Variants in VPS16 observed in about 807,000 individuals in gnomAD.
VPS16 encodes the protein VPS16 core subunit of CORVET and HOPS complexes.
VPS16 carries 82 observed loss-of-function variants against 116.0 expected under a neutral mutation model. The observed-to-expected ratio is 0.71, with a 90% CI of 0.59 to 0.85. The LOEUF (loss-of-function observed/expected upper bound fraction) is 0.85. VPS16 is among the 40% of genes least tolerant of loss of function. VPS16 has a pLI of 0.00. For synonymous variants in VPS16, 406 were observed against 420.7 expected, an observed-to-expected ratio of 0.96 and a Z score of 0.43; for missense variants, 928 against 1,090.6, an observed-to-expected ratio of 0.85 and a Z score of 2.10.
In VPS16 at chr20:2,865,225, G is replaced by C; in HGVS notation, c.2082G>C (p.Leu694=). The C allele has an allele frequency of 6.2e-7, 1 of 1,614,162 alleles. No individual in the cohort carries two copies. The highest frequency in any genetic ancestry group is 8.5e-7 in the Non-Finnish European group (1 of 1,180,028). ...AGCTGGGGGGCCAGTTCCTAGACCT[G>C]TCTCTACATGACACAGTTACCACCC... is the stretch of plus-strand genomic sequence containing the variant. ...EDELGGQFLD[L]SLHDTVTTLI... The change falls in exon 21 of 24, where the codon CTG becomes CTC. Residue 694 remains leucine, a synonymous_variant. Transcript: ENST00000380445. The surrounding 1 kb of genome is among the most constrained non-coding windows in gnomAD (Gnocchi z 5.2).
intron 1 of VPS16, among the ~76,000 whole-genome samples, chr20:2,850,794 C>T (rs1221030978): frequency 4.1e-5 from 6 of 147,018 alleles, no homozygotes; most frequent in Middle Eastern, 3.2e-3. Flanking sequence ...ATGGTGAAAC[C>T]CCATCTCTAC....
intron 1 of VPS16, among the ~76,000 whole-genome samples, chr20:2,856,190 C>T (rs1269073634): frequency 6.6e-6 from 1 of 151,884 alleles, no homozygotes; most frequent in Non-Finnish European, 1.5e-5. Context: ...AATAGGAAGG[C>T]CTGAAGAGAG....
intron 1 of VPS16, 131 bp from the exon 2 acceptor site, chr20:2,859,588 G>C (rs2089205323): frequency 9.5e-7 from 1 of 1,047,542 alleles, no homozygotes; most frequent in Non-Finnish European, 1.4e-6. Context: ...CCCTCCCTCT[G>C]GGGGTAGAGA....
At position 2,863,251 on chromosome 20, in the gene VPS16, AC is replaced by A; in HGVS notation, c.1368-37del. The A allele has an allele frequency of 1.2e-6, 2 of 1,612,636 alleles. No homozygotes were observed. Among genetic ancestry groups the A allele is most frequent in the Non-Finnish European group, 1.7e-6 (2 of 1,179,208 alleles). ...GGCCACTCTGCTCCCTTTCTCCTCC[AC>A]CTCACTCCTTGTATCCTTTACCCAC... On this transcript the variant is annotated intron_variant, in intron 14 of 23. Transcript: ENST00000380445. This position sits in a 1 kb window ranked among gnomAD's most constrained non-coding sequence, Gnocchi z 4.4.
intron 1 of VPS16, among the ~76,000 whole-genome samples, chr20:2,845,007 GGTGTGTGTGTGTGTGTGTGT>G (rs375923174): frequency 1.2e-4 from 17 of 144,014 alleles, no homozygotes; most frequent in East Asian, 4.1e-4. Context: ...ATTTGCAAGG[GGTGTGTGTGTGTGTGTGTGT>G]GTGTGTGTGT....
rs756131151 is a variant in VPS16, at chr20:2,860,279, A to T, written c.281A>T (p.Glu94Val). Residue 94 changes from glutamate to valine, a missense_variant, in exon 4 of 24, where the codon GAG becomes GTG. Coordinates refer to ENST00000380445, the MANE Select transcript of VPS16 (RefSeq NM_022575.4). The surrounding 1 kb of genome is among the most constrained non-coding windows in gnomAD (Gnocchi z 6.1). ...GTGGTGTCCCTGGGCTGGTCAGCTGAGGAGGAGCTGCTCTGTGTGCAGGAA... is the reference window on the plus strand; with the variant it reads ...GTGGTGTCCCTGGGCTGGTCAGCTGTGGAGGAGCTGCTCTGTGTGCAGGAA... ...GPVVSLGWSA[E>V]EELLCVQEDG... The T allele has an allele frequency of 2.0e-5, 33 of 1,613,834 alleles. No homozygotes were observed. The highest frequency in any genetic ancestry group is 2.8e-5 in the Non-Finnish European group (33 of 1,179,988).
At chr20:2,851,324 G>A (rs771644482) in intron 1 of VPS16, among the ~76,000 whole-genome samples, 5 of 152,050 alleles carry the variant, frequency 3.3e-5, no homozygotes, top group Non-Finnish European at 5.9e-5. Flanking sequence ...ATATGGCAAG[G>A]TAGGCCGGGC....
At chr20:2,843,009 A>G (rs1390635691) in intron 1 of VPS16, among the ~76,000 whole-genome samples, 1 of 151,946 alleles carries the variant, frequency 6.6e-6, no homozygotes, top group Non-Finnish European at 1.5e-5. Flanking sequence ...ATTCTCACTG[A>G]CATATTAAAA....
In VPS16 at chr20:2,854,450, A is replaced by AACAAG. The variant is rs1456182912; in HGVS notation, c.54-5265_54-5264insGACAA. 6.6e-5 allele frequency among the ~76,000 whole-genome samples: 10 copies of AACAAG among 151,928 alleles called. No individual in the cohort carries two copies. The East Asian group carries it at 1.9e-3, about 30-fold the overall frequency. Reference sequence around the variant, plus strand: ...TCTTTCTAAAAACAAAACAAAACAAAACAAAAAAAACGAGAGAGAGAAAGA... The same window carrying AACAAG: ...TCTTTCTAAAAACAAAACAAAACAAAACAAGACAAAAAAAACGAGAGAGAGAAAGA... On this transcript the variant is annotated intron_variant, in intron 1 of 23. Coordinates refer to ENST00000380445, the MANE Select transcript of VPS16 (RefSeq NM_022575.4).
intron 11 of VPS16, 68 bp from the exon 12 acceptor site, chr20:2,862,511 A>G: frequency 6.4e-7 from 1 of 1,572,854 alleles, no homozygotes; most frequent in Non-Finnish European, 8.6e-7. Context: ...ACAACCCAGA[A>G]TGGTTAGGGG....
intron 1 of VPS16, among the ~76,000 whole-genome samples, chr20:2,841,915 G>A (rs1325298615): frequency 1.3e-5 from 2 of 152,068 alleles, no homozygotes; most frequent in East Asian, 1.9e-4. Context: ...CACCACGCCC[G>A]GCTAATTTTT....
chr20:2,857,150 T>C (rs2146660165), intron 1 of VPS16, among the ~76,000 whole-genome samples: 1 of 152,170 alleles, frequency 6.6e-6, no homozygotes, highest in South Asian at 2.1e-4. Context: ...GCTAATTTTG[T>C]ATTTTTAGTA....
intron 1 of VPS16, among the ~76,000 whole-genome samples, chr20:2,857,510 CT>C (rs201180356): frequency 0.015 from 2,004 of 132,472 alleles, 31 homozygotes; most frequent in African/African-American, 0.055. Flanking sequence ...GTATTTCTTT[CT>C]TTTTTTTTTT....
rs772994647 is a variant in VPS16, at chr20:2,859,707, CTG to C, written c.54-7_54-6del. 186 of 1,612,986 alleles carry C rather than the reference CTG, an allele frequency of 1.2e-4. No homozygotes were observed. The African/African-American group carries it at 2.1e-3, about 18-fold the overall frequency. On this transcript the variant is annotated splice_polypyrimidine_tract_variant and intron_variant, in intron 1 of 23. Transcript: ENST00000380445. ...TAATGAGGCTAATTTCTGCTCATCT[CTG>C]TGTGGGCAGGAAATATGAGCTGTAC...
chr20:2,842,230 A>G (rs772322110), intron 1 of VPS16, among the ~76,000 whole-genome samples: 9 of 152,136 alleles, frequency 5.9e-5, no homozygotes, highest in Non-Finnish European at 1.2e-4. Context: ...GGAGCCCAGA[A>G]GTTTGAGGGT....
At chr20:2,866,016 G>A (rs2089335785) in intron 22 of VPS16, 196 bp from the exon 23 acceptor site, 1 of 603,752 alleles carries the variant, frequency 1.7e-6, no homozygotes, top group Admixed American at 2.8e-5. Context: ...ACAGAGCTTT[G>A]GTTTAGGTGA....
At chr20:2,843,456 A>G (rs1202546774) in intron 1 of VPS16, among the ~76,000 whole-genome samples, 1 of 152,128 alleles carries the variant, frequency 6.6e-6, no homozygotes, top group Non-Finnish European at 1.5e-5. Flanking sequence ...AAGAAAAGAA[A>G]TATGCCTGTG....
At chr20:2,841,763 A>ATTT (rs11483882) in intron 1 of VPS16, among the ~76,000 whole-genome samples, 6 of 143,404 alleles carry the variant, frequency 4.2e-5, no homozygotes, top group African/African-American at 1.3e-4. Flanking sequence ...GGCTGAAAGC[A>ATTT]TTTTTTTTTT....
chr20:2,853,852 T>C (rs1482582943), intron 1 of VPS16, among the ~76,000 whole-genome samples: 1 of 151,940 alleles, frequency 6.6e-6, no homozygotes, highest in Non-Finnish European at 1.5e-5. Context: ...TTTATATTTT[T>C]AGTAGAGACA....
Sources: allele counts gnomAD v4.1 joint callset (sites outside exome capture counted in the v4.1 genomes callset), GRCh38; gene constraint gnomAD v4.1.1; non-coding constraint Gnocchi (gnomAD v3.1); transcripts MANE v1.5; gene names NCBI Gene and HGNC (gene_info 2026-07-23, HGNC 2026-07-21).